Variants in COL4A6 observed in about 807,000 individuals in gnomAD.
The protein encoded by COL4A6 is collagen alpha-6(IV) chain.
A neutral mutation model predicts 126.7 loss-of-function variants in COL4A6; 59 were observed. The observed-to-expected ratio is 0.47, with a 90% CI of 0.38 to 0.58. The LOEUF (loss-of-function observed/expected upper bound fraction) is 0.58. Among genes scored for constraint, COL4A6 ranks in the 20% least tolerant of loss-of-function variants. The probability of loss-of-function intolerance (pLI) is 0.00; values close to 1 mark genes in which losing one functional copy is unlikely to be tolerated. For synonymous variants in COL4A6, 547 were observed against 496.6 expected (o/e 1.10, Z -1.35); for missense variants, 1,285 against 1,337.3 (o/e 0.96, Z 0.61).
At chrX:108,390,517 A>G (rs1431180797) in intron 2 of COL4A6, among the ~76,000 whole-genome samples, 1 of 107,828 alleles carries the variant, frequency 9.3e-6, no homozygotes, top group Non-Finnish European at 1.9e-5. Context: ...CTGCTTGATC[A>G]TTCTGGCTGT....
chrX:108,214,350 C>T (rs2035801037), intron 5 of COL4A6, 122 bp from the exon 6 acceptor site: 1 of 489,227 alleles, frequency 2.0e-6, no homozygotes. Flanking sequence ...CTCCCTTAGC[C>T]CCATCATGTA....
intron 3 of COL4A6, among the ~76,000 whole-genome samples, chrX:108,236,837 G>T (rs1602889971): frequency 9.0e-6 from 1 of 111,678 alleles, no homozygotes; most frequent in Admixed American, 9.5e-5. Flanking sequence ...GACCTCTGCA[G>T]CATTTGTCAT....
intron 2 of COL4A6, among the ~76,000 whole-genome samples, chrX:108,425,167 ATGTGTG>A (rs3081000): frequency 0.077 from 6,824 of 88,588 alleles, 527 homozygotes; most frequent in African/African-American, 0.22. Context: ...AGTTAACTGT[ATGTGTG>A]TGTGTGTGTG....
At chrX:108,437,221 C>T (rs1385696236) in intron 2 of COL4A6, among the ~76,000 whole-genome samples, 3 of 112,180 alleles carry the variant, frequency 2.7e-5, no homozygotes, top group Non-Finnish European at 5.6e-5. Flanking sequence ...GATTTCAATA[C>T]TTTCTGGGAC....
intron 3 of COL4A6, among the ~76,000 whole-genome samples, chrX:108,254,587 C>T (rs2036944291): frequency 9.0e-6 from 1 of 110,687 alleles, no homozygotes. Flanking sequence ...GGTTGATTTG[C>T]TAAAATGCAA....
At chrX:108,380,070 C>T (rs1334706521) in intron 2 of COL4A6, among the ~76,000 whole-genome samples, 1 of 112,336 alleles carries the variant, frequency 8.9e-6, no homozygotes, top group Non-Finnish European at 1.9e-5. Flanking sequence ...TGGGTTTATG[C>T]ATTTACTGAG....
At chrX:108,284,759 T>C (rs1312887362) in intron 3 of COL4A6, among the ~76,000 whole-genome samples, 5 of 112,541 alleles carry the variant, frequency 4.4e-5, no homozygotes, top group Admixed American at 2.8e-4. Flanking sequence ...ACACCAATCT[T>C]TTGATAGTCA....
intron 3 of COL4A6, among the ~76,000 whole-genome samples, chrX:108,288,466 A>G (rs1352370143): frequency 2.7e-5 from 3 of 111,410 alleles, no homozygotes; most frequent in East Asian, 2.8e-4. Flanking sequence ...TTCTGAGCAT[A>G]TACTATAGCC....
At chrX:108,418,790 T>G (rs998811286) in intron 2 of COL4A6, among the ~76,000 whole-genome samples, 9 of 112,209 alleles carry the variant, frequency 8.0e-5, no homozygotes, top group Non-Finnish European at 1.7e-4. Context: ...AAGTCTTCTT[T>G]TTCTTAATCT....
chrX:108,210,600 G>T (rs60534846), intron 7 of COL4A6, among the ~76,000 whole-genome samples: 9,614 of 111,857 alleles, frequency 0.086, 692 homozygotes, highest in African/African-American at 0.24. Flanking sequence ...CTAAGACAAT[G>T]ACCAAATTTT....
intron 10 of COL4A6, 82 bp downstream of exon 10, chrX:108,205,578 G>A (rs1951441111): frequency 4.4e-6 from 5 of 1,127,353 alleles, no homozygotes; most frequent in Non-Finnish European, 4.8e-6. Context: ...AGAAAGTAGG[G>A]TTAACCAAAC....
chrX:108,175,448 G>A lies in COL4A6; in HGVS notation c.2830+206C>T, dbSNP rs756965284. 4.5e-5 allele frequency among the ~76,000 whole-genome samples: 5 copies of A among 111,718 alleles called. No individual in the cohort carries two copies. In the South Asian group the frequency reaches 1.2e-3, roughly 26 times the overall value. ...CAAATCCTTCCTCCACTGGTCTTCC[G>A]GGAATGGGCACACATGGCCTTTAAC... is the stretch of plus-strand genomic sequence containing the variant. On this transcript the variant is annotated intron_variant, in intron 29 of 44. Coordinates refer to ENST00000334504, the MANE Select transcript of COL4A6 (RefSeq NM_033641.4).
At position 108,219,942 on chromosome X, in the gene COL4A6, C is replaced by T. The variant is rs191658197; in HGVS notation, c.280-200G>A. 2.5e-4 allele frequency among the ~76,000 whole-genome samples: 28 copies of T among 110,741 alleles called. No individual in the cohort carries two copies. In the East Asian group the frequency reaches 4.3e-3, roughly 17 times the overall value. ...TAAGGCCTTAGACAGGTCTTTGTTC[C>T]GAAACCAGCTCTTTTTTTTAAGGGA... On this transcript the variant is annotated intron_variant, in intron 4 of 44. Coordinates refer to ENST00000334504, the MANE Select transcript of COL4A6 (RefSeq NM_033641.4).
intron 2 of COL4A6, among the ~76,000 whole-genome samples, chrX:108,421,549 G>T (rs1435088979): frequency 8.9e-6 from 1 of 112,103 alleles, no homozygotes; most frequent in Non-Finnish European, 1.9e-5. Flanking sequence ...TAGAAAGCTA[G>T]AATACAAAAA....
At chrX:108,389,721 A>T (rs981849333) in intron 2 of COL4A6, among the ~76,000 whole-genome samples, 1 of 111,412 alleles carries the variant, frequency 9.0e-6, no homozygotes, top group Non-Finnish European at 1.9e-5. Flanking sequence ...GCATTTAGCT[A>T]GTTCACATTT....
intron 2 of COL4A6, among the ~76,000 whole-genome samples, chrX:108,367,905 C>T (rs948433437): frequency 9.0e-6 from 1 of 111,710 alleles, no homozygotes; most frequent in Non-Finnish European, 1.9e-5. Flanking sequence ...TTATTTGTTG[C>T]CATGTGACCA....
intron 2 of COL4A6, among the ~76,000 whole-genome samples, chrX:108,353,644 G>T (rs1400510077): frequency 8.9e-6 from 1 of 111,937 alleles, no homozygotes; most frequent in Non-Finnish European, 1.9e-5. Flanking sequence ...CAAACATTCA[G>T]TGGAGGAGGA....
chrX:108,282,295 T>C (rs1339054079), intron 3 of COL4A6, among the ~76,000 whole-genome samples: 3 of 99,856 alleles, frequency 3.0e-5, no homozygotes, highest in African/African-American at 1.1e-4. Flanking sequence ...CAAACAAATT[T>C]ACAAGAAAAA....
chrX:108,187,375 G>A lies in COL4A6; in HGVS notation c.1768-96C>T, dbSNP rs1377423007. On this transcript the variant is annotated intron_variant, in intron 22 of 44. Coordinates refer to ENST00000334504, the MANE Select transcript of COL4A6 (RefSeq NM_033641.4). ...GAAAGAGGTAGCCAGTGTGACCAAT[G>A]CTTTGTGTTTTGTTAAAATTATCTA... is the stretch of plus-strand genomic sequence containing the variant. The A allele has an allele frequency of 1.1e-5, 8 of 727,502 alleles. No homozygotes were observed. The South Asian group carries it at 4.0e-4, about 36-fold the overall frequency. 60.0% of individuals were successfully genotyped at this position (727,502 alleles called of 1,213,427 possible). A position where few individuals can be genotyped will look rare whatever the true frequency, so the allele number is the denominator to read the frequency against.
Sources: allele counts gnomAD v4.1 joint callset (sites outside exome capture counted in the v4.1 genomes callset), GRCh38; gene constraint gnomAD v4.1.1; transcripts MANE v1.5; gene names NCBI Gene and HGNC (gene_info 2026-07-23, HGNC 2026-07-21).